The following MACROD2 variants were observed in gnomAD, a reference collection of about 807,000 sequenced individuals.
The protein encoded by MACROD2 is mono-ADP ribosylhydrolase 2.
A neutral mutation model predicts 70.4 loss-of-function variants in MACROD2; 36 were observed. The ratio of observed to expected loss-of-function variants is 0.51; its 90% confidence interval spans 0.39 to 0.68. The LOEUF (loss-of-function observed/expected upper bound fraction) is 0.68. MACROD2 is among the 30% of genes least tolerant of loss of function. The pLI, the probability that MACROD2 is intolerant of heterozygous loss-of-function variation, is 0.00. For synonymous variants in MACROD2, 172 were observed against 178.8 expected (o/e 0.96, Z 0.30); for missense variants, 496 against 538.4 (o/e 0.92, Z 0.78).
At chr20:15,516,634 T>TG (rs1348675854) in intron 8 of MACROD2, among the ~76,000 whole-genome samples, 1 of 152,180 alleles carries the variant, frequency 6.6e-6, no homozygotes, top group African/African-American at 2.4e-5. Context: ...ATGTTTTTCC[T>TG]GGGGCTTTTT....
rs1007008609 is a variant in MACROD2, at chr20:14,343,503, G to A, written c.272-149976G>A. ...TACCAAGACTGAGTTGAAACCTGGGGATAGTTGCTTTTAATCTTCATAGTG... is the reference window on the plus strand; with the variant it reads ...TACCAAGACTGAGTTGAAACCTGGGAATAGTTGCTTTTAATCTTCATAGTG... On this transcript the variant is annotated intron_variant, in intron 3 of 17. Coordinates refer to ENST00000684519, the MANE Select transcript of MACROD2 (RefSeq NM_001351661.2). Among the ~76,000 whole-genome samples the A allele has an allele frequency of 2.4e-4, 37 of 152,176 alleles. 1 individual carries two copies. The highest frequency in any genetic ancestry group is 8.9e-4 in the African/African-American group (37 of 41,432).
rs561276144 is a variant in MACROD2 at position 15,987,107 on chromosome 20, C to G, written c.1102C>G (p.Pro368Ala). ...AGAAGATGCCGTGATTGTGGAGCAA[C>G]CAGAAGTGATTCCATTAACAGAGGA... The part of the protein sequence containing the change: ...NQEDAVIVEQ[P>A]EVIPLTEDQE... Residue 368 changes from proline to alanine, a missense_variant, in exon 15 of 18, where the codon CCA becomes GCA. Pro to Ala is a conservative substitution (Grantham distance 27). Coordinates refer to ENST00000684519, the MANE Select transcript of MACROD2 (RefSeq NM_001351661.2). 14 of 1,612,168 alleles carry G rather than the reference C, an allele frequency of 8.7e-6. No homozygotes were observed. In the African/African-American group the frequency reaches 9.4e-5, roughly 11 times the overall value.
chr20:15,844,780 C>A (rs1034899885), intron 8 of MACROD2, among the ~76,000 whole-genome samples: 1 of 152,016 alleles, frequency 6.6e-6, no homozygotes, highest in Non-Finnish European at 1.5e-5. Context: ...ATATTTGATA[C>A]ACAATGGCAC....
At chr20:14,017,473 T>A (rs1445237145) in intron 2 of MACROD2, among the ~76,000 whole-genome samples, 1 of 152,116 alleles carries the variant, frequency 6.6e-6, no homozygotes, top group South Asian at 2.1e-4. Context: ...ATTTTTCATA[T>A]GTCTCCATTA....
At chr20:15,066,111 C>CTT (rs576117795) in intron 5 of MACROD2, among the ~76,000 whole-genome samples, 21,970 of 142,038 alleles carry the variant, frequency 0.15, 2,229 homozygotes, top group Non-Finnish European at 0.23. Context: ...GAGCTGCTTT[C>CTT]TTTTTTTTTT....
At chr20:14,275,306 G>C (rs2082241473) in intron 3 of MACROD2, among the ~76,000 whole-genome samples, 1 of 152,118 alleles carries the variant, frequency 6.6e-6, no homozygotes, top group Admixed American at 6.6e-5. Context: ...GAACAGAACA[G>C]AGCCCTCAGA....
At chr20:15,991,112 T>C (rs1452408099) in intron 15 of MACROD2, among the ~76,000 whole-genome samples, 2 of 152,182 alleles carry the variant, frequency 1.3e-5, no homozygotes, top group Non-Finnish European at 2.9e-5. Flanking sequence ...AGCTAATTAT[T>C]CCCTAAAGAT....
intron 6 of MACROD2, among the ~76,000 whole-genome samples, chr20:15,260,183 G>T (rs1471782878): frequency 6.6e-6 from 1 of 151,374 alleles, no homozygotes; most frequent in Admixed American, 6.6e-5. Context: ...TACAAATAAT[G>T]ATTGTTAATC....
chr20:14,169,297 T>G (rs920746437), intron 3 of MACROD2, among the ~76,000 whole-genome samples: 3 of 151,548 alleles, frequency 2.0e-5, no homozygotes, highest in Non-Finnish European at 4.4e-5. Context: ...ACTTATCAAT[T>G]ATACTTTTTT....
At chr20:14,426,963 A>AT (rs930532627) in intron 3 of MACROD2, among the ~76,000 whole-genome samples, 5 of 152,070 alleles carry the variant, frequency 3.3e-5, no homozygotes, top group Non-Finnish European at 5.9e-5. Context: ...CTTCTTAGAT[A>AT]TTTTTTCAGC....
At chr20:15,592,055 C>T (rs2048687752) in intron 8 of MACROD2, among the ~76,000 whole-genome samples, 2 of 152,152 alleles carry the variant, frequency 1.3e-5, no homozygotes, top group Non-Finnish European at 2.9e-5. Context: ...AAGTGTAAGA[C>T]CTCTCACGTC....
intron 3 of MACROD2, among the ~76,000 whole-genome samples, chr20:14,224,076 G>T (rs1211930470): frequency 6.6e-6 from 1 of 152,010 alleles, no homozygotes; most frequent in African/African-American, 2.4e-5. Flanking sequence ...CCCATATTAT[G>T]GAGGGTAAGC....
chr20:14,369,363 AC>A (rs1307640670), intron 3 of MACROD2, among the ~76,000 whole-genome samples: 1 of 152,236 alleles, frequency 6.6e-6, no homozygotes, highest in African/African-American at 2.4e-5. Flanking sequence ...TGGGGAAGCT[AC>A]CTGCAGTTTT....
At chr20:14,773,049 T>C (rs1238846166) in intron 5 of MACROD2, among the ~76,000 whole-genome samples, 4 of 151,960 alleles carry the variant, frequency 2.6e-5, no homozygotes, top group Admixed American at 2.0e-4. Flanking sequence ...ACATTCAAGG[T>C]AGGATGAAAG....
At chr20:14,971,663 A>T (rs754447355) in intron 5 of MACROD2, among the ~76,000 whole-genome samples, 2 of 152,040 alleles carry the variant, frequency 1.3e-5, no homozygotes, top group Non-Finnish European at 2.9e-5. Context: ...GGCTTGAGTC[A>T]TCTGAAGACT....
At chr20:14,448,000 G>GTC (rs2084202132) in intron 3 of MACROD2, among the ~76,000 whole-genome samples, 1 of 151,058 alleles carries the variant, frequency 6.6e-6, no homozygotes, top group Non-Finnish European at 1.5e-5. Flanking sequence ...GTGTGTGTGT[G>GTC]TGTGTGTCTG....
intron 5 of MACROD2, among the ~76,000 whole-genome samples, chr20:14,969,785 A>C (rs1375574092): frequency 1.3e-5 from 2 of 152,132 alleles, no homozygotes; most frequent in Non-Finnish European, 2.9e-5. Flanking sequence ...AGTTTCTTTC[A>C]CTTTGGGTCA....
At chr20:15,094,105 A>G (rs1016439455) in intron 5 of MACROD2, among the ~76,000 whole-genome samples, 4 of 152,224 alleles carry the variant, frequency 2.6e-5, no homozygotes, top group African/African-American at 9.6e-5. Flanking sequence ...ATGCAGACAC[A>G]GCCATAACAA....
chr20:14,391,175 A>G (rs1318914003), intron 3 of MACROD2, among the ~76,000 whole-genome samples: 2 of 152,236 alleles, frequency 1.3e-5, no homozygotes, highest in East Asian at 3.8e-4. Context: ...ATGCACATGT[A>G]TGTTCATTAC....
Sources: allele counts gnomAD v4.1 joint callset (sites outside exome capture counted in the v4.1 genomes callset), GRCh38; gene constraint gnomAD v4.1.1; transcripts MANE v1.5; gene names NCBI Gene and HGNC (gene_info 2026-07-23, HGNC 2026-07-21).